The following RAG1 variants were observed in gnomAD, a reference collection of about 807,000 sequenced individuals.
RAG1 encodes recombination activating 1.
Under a neutral mutation model 62.7 loss-of-function variants are expected in RAG1, and 35 were observed. That is an observed-to-expected ratio of 0.56 (90% confidence interval 0.43 to 0.74). RAG1 has a LOEUF of 0.74. RAG1 is among the 30% of genes least tolerant of loss of function. The pLI, the probability that RAG1 is intolerant of heterozygous loss-of-function variation, is 0.00. For missense variants in RAG1, 1,169 were observed against 1,278.6 expected, an observed-to-expected ratio of 0.91 and a Z score of 1.31; for synonymous variants, 461 against 470.3, an observed-to-expected ratio of 0.98 and a Z score of 0.26.
chr11:36,539,676 C>T (rs1443594484), downstream of RAG1, among the ~76,000 whole-genome samples: 2 of 152,158 alleles, frequency 1.3e-5, no homozygotes, highest in Non-Finnish European at 2.9e-5. Context: ...CAGGGTTTCA[C>T]TACATTGGCC....
chr11:36,548,805 A>G (rs10768218), intron 3 of RAG1, among the ~76,000 whole-genome samples: 95,005 of 152,090 alleles, frequency 0.62, 33,679 homozygotes, highest in East Asian at 0.8. Flanking sequence ...AAAAGAGCCC[A>G]TATGGTCAAG....
chr11:36,512,347 G>C (rs1421222769), intron 1 of RAG1, among the ~76,000 whole-genome samples: 1 of 152,192 alleles, frequency 6.6e-6, no homozygotes, highest in Non-Finnish European at 1.5e-5. Context: ...AGTTGCCTTG[G>C]AAAGTCAATC....
chr11:36,516,624 C>T (rs1860000957), intron 1 of RAG1, among the ~76,000 whole-genome samples: 1 of 152,244 alleles, frequency 6.6e-6, no homozygotes, highest in Non-Finnish European at 1.5e-5. Context: ...GCCCAGCCGG[C>T]AGATTCAGTT....
intron 2 of RAG1, among the ~76,000 whole-genome samples, chr11:36,523,790 T>G (rs1283868858): frequency 6.6e-6 from 1 of 152,234 alleles, no homozygotes; most frequent in East Asian, 1.9e-4. Context: ...TTACATGCAA[T>G]TATAAGATAT....
chr11:36,545,893 G>A (rs185255384), intron 3 of RAG1, among the ~76,000 whole-genome samples: 12 of 152,154 alleles, frequency 7.9e-5, no homozygotes, highest in African/African-American at 1.9e-4. Context: ...CCGTGTAGTC[G>A]TGCAGTTTTG....
rs1337522789 is a variant in RAG1, at chr11:36,575,052, C to T, written c.1748C>T (p.Ser583Phe). ...GAAGACATCTTGGAAGGCATGAGAT[C>T]CCAAGACCTTGATGATTACCTGAAT... The part of the protein sequence containing the change: ...MEEDILEGMR[S>F]QDLDDYLNGP... Residue 583 changes from serine to phenylalanine, a missense_variant, in exon 2 of 2, where the codon TCC becomes TTC. Physicochemically the swap from Ser to Phe is radical, Grantham distance 155 (BLOSUM62 -2). Around this residue, in one of 2 missense-constraint regions of RAG1, gnomAD observed 800 missense variants for 943.3 expected, o/e 0.85. Coordinates refer to ENST00000299440, the MANE Select transcript of RAG1 (RefSeq NM_000448.3). The surrounding 1 kb of genome is among the most constrained non-coding windows in gnomAD (Gnocchi z 4.1). The T allele has an allele frequency of 1.2e-6, 2 of 1,614,086 alleles. No individual in the cohort carries two copies. Among genetic ancestry groups the T allele is most frequent in the South Asian group, 1.1e-5 (1 of 91,062 alleles).
At chr11:36,548,792 C>T (rs562822177) in intron 3 of RAG1, among the ~76,000 whole-genome samples, 1 of 151,976 alleles carries the variant, frequency 6.6e-6, no homozygotes, top group African/African-American at 2.4e-5. Context: ...CATATGGAAC[C>T]AAAAAAGAGC....
At position 36,575,636 on chromosome 11, in the gene RAG1, C is replaced by G. The variant is rs752020152; in HGVS notation, c.2332C>G (p.Arg778Gly). 6.2e-7 allele frequency: 1 copy of G among 1,614,182 alleles called. No individual in the cohort carries two copies. The highest frequency in any genetic ancestry group is 8.5e-7 in the Non-Finnish European group (1 of 1,180,022). ...YHESVEELRD[R>G]VKGVSAKPFI... ...TGAGTCTGTGGAAGAACTGCGGGAT[C>G]GGGTGAAAGGGGTCTCAGCTAAACC... Residue 778 changes from arginine (R) to glycine (G), a missense_variant, in exon 2 of 2, where the codon CGG (arginine) becomes GGG (glycine). This residue lies in a region of RAG1 where 800 missense variants were observed against 943.3 expected (regional missense o/e 0.85). Coordinates refer to ENST00000299440, the MANE Select transcript of RAG1 (RefSeq NM_000448.3). The surrounding 1 kb of genome is among the most constrained non-coding windows in gnomAD (Gnocchi z 4.1).
chr11:36,513,873 G>A (rs560382113), intron 1 of RAG1, among the ~76,000 whole-genome samples: 14 of 152,198 alleles, frequency 9.2e-5, no homozygotes, highest in African/African-American at 3.4e-4. Flanking sequence ...TCTCCCACTG[G>A]GTCCCTCCCA....
intron 1 of RAG1, among the ~76,000 whole-genome samples, chr11:36,518,692 G>A (rs1467970111): frequency 6.6e-6 from 1 of 152,012 alleles, no homozygotes; most frequent in Non-Finnish European, 1.5e-5. Context: ...GGGGTTATTT[G>A]GTTTTTTTCT....
chr11:36,568,576 C>T (rs1850692770), intron 1 of RAG1, among the ~76,000 whole-genome samples: 1 of 152,172 alleles, frequency 6.6e-6, no homozygotes, highest in African/African-American at 2.4e-5. Context: ...CAATGTTTCT[C>T]AAAATATTCA....
chr11:36,571,564 T>C (rs1389616130), intron 1 of RAG1, among the ~76,000 whole-genome samples: 1 of 152,206 alleles, frequency 6.6e-6, no homozygotes, highest in Non-Finnish European at 1.5e-5. Flanking sequence ...TCTAATAGGA[T>C]TTCTCTGTGA....
intron 2 of RAG1, among the ~76,000 whole-genome samples, chr11:36,534,583 CA>C (rs1261387465): frequency 6.6e-6 from 1 of 152,122 alleles, no homozygotes; most frequent in African/African-American, 2.4e-5. Context: ...TTTTATTGAC[CA>C]AAGCATGTCA....
At chr11:36,558,870 G>T (rs879882934) in intron 3 of RAG1, among the ~76,000 whole-genome samples, 1 of 152,090 alleles carries the variant, frequency 6.6e-6, no homozygotes, top group Admixed American at 6.5e-5. Context: ...GTTTATCTTT[G>T]TGTGGTTTGC....
At chr11:36,514,792 G>A (rs144339430) in intron 1 of RAG1, among the ~76,000 whole-genome samples, 2 of 152,232 alleles carry the variant, frequency 1.3e-5, no homozygotes, top group Non-Finnish European at 2.9e-5. Flanking sequence ...AGGATGGGGA[G>A]TGGCTGTAAA....
chr11:36,538,421 A>G (rs1860364560), downstream of RAG1, among the ~76,000 whole-genome samples: 1 of 152,162 alleles, frequency 6.6e-6, no homozygotes, highest in Admixed American at 6.5e-5. Flanking sequence ...GCAAAAGCAA[A>G]CAAACTCACA....
At chr11:36,540,203 C>T (rs1203330212), downstream of RAG1, among the ~76,000 whole-genome samples, 1 of 152,112 alleles carries the variant, frequency 6.6e-6, no homozygotes, top group Non-Finnish European at 1.5e-5. Context: ...ATGTAATTCT[C>T]TGCAAACCTG....
chr11:36,572,970 T>C (rs1564987777), intron 1 of RAG1, among the ~76,000 whole-genome samples: 1 of 152,242 alleles, frequency 6.6e-6, no homozygotes, highest in East Asian at 1.9e-4. Flanking sequence ...TAATGTATAC[T>C]GGGACCCTTG....
rs1185738248 is a variant in RAG1 at position 36,576,484 on chromosome 11, G to C, written c.*48G>C. ...GGTTTTTGCAATTGAGTTTCCCTCTGGGTTGCATTGAGGGCTTCTCCTAGC... is the reference window on the plus strand; with the variant it reads ...GGTTTTTGCAATTGAGTTTCCCTCTCGGTTGCATTGAGGGCTTCTCCTAGC... On this transcript the variant is annotated 3_prime_UTR_variant, in exon 2 of 2. Coordinates refer to ENST00000299440, the MANE Select transcript of RAG1 (RefSeq NM_000448.3). 6.2e-7 allele frequency: 1 copy of C among 1,606,300 alleles called. No individual in the cohort carries two copies. Among genetic ancestry groups the C allele is most frequent in the Non-Finnish European group, 8.5e-7 (1 of 1,173,886 alleles).
Sources: gnomAD v4.1 joint callset for allele counts (sites outside exome capture counted in the v4.1 genomes callset) on GRCh38, gnomAD v4.1.1 for gene constraint, gnomAD v4.1.1 regional missense constraint, Gnocchi (gnomAD v3.1) non-coding constraint, MANE v1.5 for transcripts, NCBI Gene and HGNC (gene_info 2026-07-23, HGNC 2026-07-21) for gene names.